Variants in GALNTL6 observed in about 807,000 individuals in gnomAD.
GALNTL6 encodes polypeptide N-acetylgalactosaminyltransferase like 6.
In GALNTL6, 46 loss-of-function variants were observed where a neutral mutation model predicts 73.7. The ratio of observed to expected loss-of-function variants is 0.62; its 90% CI spans 0.49 to 0.80. The LOEUF is 0.80. Ranked by LOEUF, GALNTL6 falls within the 30% of genes least tolerant of loss-of-function variation. The pLI is 0.00. For synonymous variants in GALNTL6, 259 were observed against 263.7 expected (o/e 0.98, Z 0.17); for missense variants, 604 against 755.0 (o/e 0.80, Z 2.34).
At chr4:172,227,585 C>T (rs1736912071) in intron 2 of GALNTL6, among the ~76,000 whole-genome samples, 1 of 152,070 alleles carries the variant, frequency 6.6e-6, no homozygotes, top group Non-Finnish European at 1.5e-5. Flanking sequence ...TATAAAGTGT[C>T]CCCAGTTTTT....
At chr4:172,942,198 A>G (rs934564099) in intron 9 of GALNTL6, among the ~76,000 whole-genome samples, 4 of 152,202 alleles carry the variant, frequency 2.6e-5, no homozygotes, top group African/African-American at 9.6e-5. Flanking sequence ...ATTACTTACA[A>G]CTTGGACAGA....
chr4:172,171,588 G>A (rs917391985), intron 2 of GALNTL6, among the ~76,000 whole-genome samples: 1 of 151,894 alleles, frequency 6.6e-6, no homozygotes, highest in African/African-American at 2.4e-5. Context: ...CAGCACTTTG[G>A]GAGGCTGAGG....
chr4:171,889,359 A>G (rs977183692), intron 2 of GALNTL6, among the ~76,000 whole-genome samples: 6 of 152,084 alleles, frequency 3.9e-5, no homozygotes, highest in African/African-American at 1.4e-4. Flanking sequence ...ACCTGGTTGT[A>G]TAATCATCAA....
At chr4:172,422,437 G>A (rs1731083212) in intron 5 of GALNTL6, among the ~76,000 whole-genome samples, 1 of 151,958 alleles carries the variant, frequency 6.6e-6, no homozygotes, top group Admixed American at 6.6e-5. Flanking sequence ...TTTGGTTACA[G>A]GAATGTCCAA....
chr4:172,978,743 C>A (rs1750943392), intron 10 of GALNTL6, among the ~76,000 whole-genome samples: 2 of 152,162 alleles, frequency 1.3e-5, no homozygotes, highest in Non-Finnish European at 2.9e-5. Flanking sequence ...ATATTGAGCT[C>A]ATTCTGCCAC....
intron 5 of GALNTL6, among the ~76,000 whole-genome samples, chr4:172,422,592 C>A (rs1363818584): frequency 3.3e-5 from 5 of 151,856 alleles, no homozygotes; most frequent in Admixed American, 6.6e-5. Flanking sequence ...ATGTAGTCTG[C>A]TGACTTTCAT....
At position 172,252,732 on chromosome 4, in the gene GALNTL6, T is replaced by C. The variant is rs562661462; in HGVS notation, c.247+22968T>C. On this transcript the variant is annotated intron_variant, in intron 3 of 12. Transcript: ENST00000506823. ...TCTTTTGTGAAACAAGGCTGAAGTA[T>C]GGGAAAGAGGAAGATTTCTCAATGT... 3.3e-5 allele frequency among the ~76,000 whole-genome samples: 5 copies of C among 152,106 alleles called. No homozygotes were observed. The South Asian group carries it at 1.0e-3, about 32-fold the overall frequency.
intron 2 of GALNTL6, among the ~76,000 whole-genome samples, chr4:171,926,850 A>C (rs1737998381): frequency 6.6e-6 from 1 of 151,452 alleles, no homozygotes; most frequent in Non-Finnish European, 1.5e-5. Context: ...CTGGATACTA[A>C]CTCTTCGTTA....
At chr4:172,599,058 T>G (rs188551163) in intron 5 of GALNTL6, among the ~76,000 whole-genome samples, 11 of 152,248 alleles carry the variant, frequency 7.2e-5, no homozygotes, top group African/African-American at 2.4e-4. Context: ...CTGCAGTACA[T>G]TCCTAGGCAG....
chr4:172,573,344 A>C (rs1341593511), intron 5 of GALNTL6, among the ~76,000 whole-genome samples: 1 of 152,174 alleles, frequency 6.6e-6, no homozygotes, highest in Admixed American at 6.5e-5. Context: ...AAGAAATTTT[A>C]TAAAGGTCAT....
chr4:172,117,485 T>C (rs1449897579), intron 2 of GALNTL6, among the ~76,000 whole-genome samples: 1 of 152,188 alleles, frequency 6.6e-6, no homozygotes, highest in African/African-American at 2.4e-5. Context: ...TCTATGATGA[T>C]GAGAAGTCTC....
In GALNTL6 at chr4:172,826,487, A is replaced by C. The variant is rs150776849; in HGVS notation, c.923+12764A>C. On this transcript the variant is annotated intron_variant, in intron 7 of 12. Coordinates refer to ENST00000506823, the MANE Select transcript of GALNTL6 (RefSeq NM_001034845.3). ...CTTTGCCCAACCCCCAGCCCTAAGG[A>C]TATAAATTCCAAACCACGGGAAAGC... 3.7e-3 allele frequency among the ~76,000 whole-genome samples: 568 copies of C among 152,378 alleles called. 3 individuals are homozygous for C. Among genetic ancestry groups the C allele is most frequent in the African/African-American group, 0.013 (527 of 41,600 alleles).
intron 2 of GALNTL6, among the ~76,000 whole-genome samples, chr4:171,990,893 G>T (rs186463119): frequency 2.0e-5 from 3 of 152,248 alleles, no homozygotes; most frequent in Admixed American, 6.5e-5. Flanking sequence ...TAATTAAATG[G>T]TGTCTGTTCA....
intron 7 of GALNTL6, among the ~76,000 whole-genome samples, chr4:172,869,053 A>G (rs1341682709): frequency 1.3e-5 from 2 of 152,138 alleles, no homozygotes; most frequent in Non-Finnish European, 2.9e-5. Flanking sequence ...TAAATACTAG[A>G]TCTAATTCCA....
chr4:172,046,722 G>T (rs1742232246), intron 2 of GALNTL6, among the ~76,000 whole-genome samples: 1 of 151,908 alleles, frequency 6.6e-6, no homozygotes, highest in Non-Finnish European at 1.5e-5. Context: ...TGTGTTTCTT[G>T]TTTCTTTGCT....
intron 5 of GALNTL6, among the ~76,000 whole-genome samples, chr4:172,586,789 A>G (rs990271817): frequency 6.6e-6 from 1 of 152,224 alleles, no homozygotes; most frequent in Non-Finnish European, 1.5e-5. Flanking sequence ...CTAATAACAG[A>G]CAGTACTTGA....
At chr4:172,201,033 C>G (rs925187049) in intron 2 of GALNTL6, among the ~76,000 whole-genome samples, 1 of 152,104 alleles carries the variant, frequency 6.6e-6, no homozygotes, top group Non-Finnish European at 1.5e-5. Context: ...CTGAAAAGTG[C>G]TCACTTTATC....
At chr4:172,615,518 A>G (rs1419177276) in intron 5 of GALNTL6, among the ~76,000 whole-genome samples, 2 of 152,134 alleles carry the variant, frequency 1.3e-5, no homozygotes, top group African/African-American at 4.8e-5. Flanking sequence ...CCCCACACAA[A>G]TTAAGCTAAT....
intron 5 of GALNTL6, among the ~76,000 whole-genome samples, chr4:172,464,874 A>G (rs1258110432): frequency 1.3e-5 from 2 of 152,252 alleles, no homozygotes; most frequent in African/African-American, 4.8e-5. Flanking sequence ...TAATATAATA[A>G]TTTCAGATTA....
Sources: allele counts gnomAD v4.1 joint callset (sites outside exome capture counted in the v4.1 genomes callset), GRCh38; gene constraint gnomAD v4.1.1; transcripts MANE v1.5; gene names NCBI Gene and HGNC (gene_info 2026-07-23, HGNC 2026-07-21).